MED9: variants seen among roughly 807,000 people sequenced by gnomAD.
MED9 encodes mediator of RNA polymerase II transcription subunit 9.
In MED9, 8 loss-of-function variants were observed where a neutral mutation model predicts 13.2. That is an observed-to-expected ratio of 0.61 (90% CI 0.36 to 1.10). The LOEUF (loss-of-function observed/expected upper bound fraction) is 1.10. Ranked by LOEUF, MED9 falls within the 50% of genes least tolerant of loss-of-function variation. The pLI is 0.02. For synonymous variants in MED9, 87 were observed against 82.8 expected (o/e 1.05, Z -0.28); for missense variants, 180 against 193.4 (o/e 0.93, Z 0.41).
intron 1 of MED9, chr17:17,486,463 G>A (rs1484287824): frequency 6.5e-6 from 1 of 153,264 alleles, no homozygotes; most frequent in Non-Finnish European, 1.5e-5. Context: ...GGCCAGCTCT[G>A]CTGGCCCCGT....
chr17:17,477,708 C>G (rs768895487), intron 1 of MED9: 1 of 157,790 alleles, frequency 6.3e-6, no homozygotes, highest in Non-Finnish European at 1.4e-5. Context: ...CTTTTCACCC[C>G]CAAAGGTTTA....
chr17:17,489,776 A>G (rs1032012995), intron 1 of MED9, among the ~76,000 whole-genome samples: 1 of 152,188 alleles, frequency 6.6e-6, no homozygotes, highest in Non-Finnish European at 1.5e-5. Flanking sequence ...CTGGCCTCTC[A>G]TTTCCTGGAA....
rs1905060049 is a variant in MED9, at chr17:17,483,133, C to T, written c.224+5868C>T. ...TCGTCTTTAATCTGCTTCTTTACTT[C>T]CAAGCCTGTTGATACTACTCATTGG... On this transcript the variant is annotated intron_variant, in intron 1 of 1. Transcript: ENST00000268711. This position sits in a 1 kb window ranked among gnomAD's most constrained non-coding sequence, Gnocchi z 4.2. Among the ~76,000 whole-genome samples the T allele has an allele frequency of 6.6e-6, 1 of 152,204 alleles. No homozygotes were observed. The highest frequency in any genetic ancestry group is 1.5e-5 in the Non-Finnish European group (1 of 68,050).
chr17:17,493,007 AGTG>A lies in MED9; in HGVS notation c.*1514_*1516del, dbSNP rs1278350404. Reference sequence around the variant, plus strand: ...AGTTATTTCCTTGAAATTTCACAGTAGTGGGTGGGCCTGTTTTAAGGCTCTGAC... The same window carrying A: ...AGTTATTTCCTTGAAATTTCACAGTAGGTGGGCCTGTTTTAAGGCTCTGAC... On this transcript the variant is annotated 3_prime_UTR_variant, in exon 2 of 2. Coordinates refer to ENST00000268711, the MANE Select transcript of MED9 (RefSeq NM_018019.3). 6.6e-6 allele frequency: 1 copy of A among 152,194 alleles called. No individual in the cohort carries two copies. The highest frequency in any genetic ancestry group is 1.5e-5 in the Non-Finnish European group (1 of 68,038). The allele number at this position is 152,194 out of a possible 1,614,324, so 9.4% of individuals were successfully genotyped here. A position where few individuals can be genotyped will look rare whatever the true frequency, so the allele number is the denominator to read the frequency against.
chr17:17,478,337 C>T (rs1325175907), intron 1 of MED9, among the ~76,000 whole-genome samples: 1 of 152,166 alleles, frequency 6.6e-6, no homozygotes, highest in African/African-American at 2.4e-5. Flanking sequence ...ATTACGATTC[C>T]AGTAACATTC....
intron 1 of MED9, among the ~76,000 whole-genome samples, chr17:17,484,596 A>T (rs1905091965): frequency 6.6e-6 from 1 of 152,266 alleles, no homozygotes; most frequent in Non-Finnish European, 1.5e-5. Flanking sequence ...GCATGCAGTT[A>T]CTGCAGGCCT....
At chr17:17,490,934 T>A (rs888406040) in intron 1 of MED9, among the ~76,000 whole-genome samples, 1 of 152,168 alleles carries the variant, frequency 6.6e-6, no homozygotes, top group African/African-American at 2.4e-5. Flanking sequence ...CACGGACATT[T>A]CTTGAGTGCC....
chr17:17,491,856 G>T lies in MED9; in HGVS notation c.*361G>T. ...CTGACAGATCTGAAGAGCACAGTAG[G>T]AAGGGAGGCGGCTCCTCTTTGCTTC... On this transcript the variant is annotated 3_prime_UTR_variant, in exon 2 of 2. Coordinates refer to ENST00000268711, the MANE Select transcript of MED9 (RefSeq NM_018019.3). 3.2e-6 allele frequency: 1 copy of T among 309,994 alleles called. No homozygotes were observed. The highest frequency in any genetic ancestry group is 6.2e-6 in the Non-Finnish European group (1 of 160,470). 19.2% of individuals were successfully genotyped at this position (309,994 alleles called of 1,614,324 possible). A position where few individuals can be genotyped will look rare whatever the true frequency, so the allele number is the denominator to read the frequency against.
chr17:17,477,317 C>T, intron 1 of MED9, 52 bp downstream of exon 1: 1 of 1,505,444 alleles, frequency 6.6e-7, no homozygotes. Flanking sequence ...CTTCTCCTCT[C>T]AGCCGTTTCA....
chr17:17,491,152 A>T (rs1285012483), intron 1 of MED9, 127 bp from the exon 2 acceptor site: 7 of 888,454 alleles, frequency 7.9e-6, no homozygotes, highest in African/African-American at 6.6e-5. Flanking sequence ...TAGTCAGGGG[A>T]TAGACACATA....
chr17:17,477,011 C>G lies in MED9; in HGVS notation c.-31C>G, dbSNP rs373822707. ...GTAGAGTGCGCGACGCTTTTGGCGACCCGACCTCTGGCTAACCTACCCCCG... is the reference window on the plus strand; with the variant it reads ...GTAGAGTGCGCGACGCTTTTGGCGAGCCGACCTCTGGCTAACCTACCCCCG... On this transcript the variant is annotated 5_prime_UTR_variant, in exon 1 of 2. Transcript: ENST00000268711. 3 of 1,601,600 alleles carry G rather than the reference C, an allele frequency of 1.9e-6. No individual in the cohort carries two copies. The highest frequency in any genetic ancestry group is 8.5e-7 in the Non-Finnish European group (1 of 1,179,382).
chr17:17,480,063 C>T (rs1269103040), intron 1 of MED9, among the ~76,000 whole-genome samples: 2 of 152,116 alleles, frequency 1.3e-5, no homozygotes, highest in African/African-American at 4.8e-5. Flanking sequence ...TCCAAGCGGC[C>T]GGGTGACTAC....
chr17:17,485,591 A>G (rs906315164), intron 1 of MED9: 16 of 358,752 alleles, frequency 4.5e-5, no homozygotes, highest in African/African-American at 2.5e-4. Context: ...TAGCGTGGCC[A>G]GTAGAGTGTG....
chr17:17,486,489 G>T, intron 1 of MED9: 1 of 153,522 alleles, frequency 6.5e-6, no homozygotes, highest in Non-Finnish European at 1.5e-5. Flanking sequence ...GAGGGACTTA[G>T]CACCCGGGCC....
intron 1 of MED9, among the ~76,000 whole-genome samples, chr17:17,477,952 C>A (rs1850821792): frequency 6.6e-6 from 1 of 152,182 alleles, no homozygotes; most frequent in Non-Finnish European, 1.5e-5. Flanking sequence ...AGAGGAAAAA[C>A]CAAAAACAAA....
intron 1 of MED9, among the ~76,000 whole-genome samples, chr17:17,482,518 T>C (rs80245440): frequency 0.015 from 2,295 of 152,354 alleles, 59 homozygotes; most frequent in African/African-American, 0.052. Context: ...AAATAATGTG[T>C]GTCAAATGTA....
intron 1 of MED9, chr17:17,486,918 C>T (rs1905142193): frequency 6.6e-6 from 1 of 152,430 alleles, no homozygotes; most frequent in African/African-American, 2.4e-5. Flanking sequence ...GTGCACCAAT[C>T]TACACTCTGT....
chr17:17,491,295 C>T lies in MED9; in HGVS notation c.241C>T (p.Pro81Ser). ...NIIKCMDKDS[P>S]EVHQDLNALK... ...CCCCCACAGCATGGACAAGGACAGC[C>T]CGGAGGTCCACCAGGACCTGAACGC... is the stretch of plus-strand genomic sequence containing the variant. Residue 81 changes from proline (P) to serine (S), a missense_variant, in exon 2 of 2, where the codon CCG becomes TCG. By Grantham distance (74) the Pro-to-Ser change is moderately conservative (BLOSUM62 -1). Transcript: ENST00000268711. 1 of 1,613,464 alleles carries T rather than the reference C, an allele frequency of 6.2e-7. No homozygotes were observed. Among genetic ancestry groups the T allele is most frequent in the South Asian group, 1.1e-5 (1 of 91,060 alleles).
chr17:17,477,009 G>A lies in MED9; in HGVS notation c.-33G>A, dbSNP rs1245347162. On this transcript the variant is annotated 5_prime_UTR_variant, in exon 1 of 2. Transcript: ENST00000268711. ...GTGTAGAGTGCGCGACGCTTTTGGC[G>A]ACCCGACCTCTGGCTAACCTACCCC... The A allele has an allele frequency of 6.2e-7, 1 of 1,601,280 alleles. No individual in the cohort carries two copies. The highest frequency in any genetic ancestry group is 1.3e-5 in the African/African-American group (1 of 74,828).
Sources: gnomAD v4.1 joint callset for allele counts (sites outside exome capture counted in the v4.1 genomes callset) on GRCh38, gnomAD v4.1.1 for gene constraint, Gnocchi (gnomAD v3.1) non-coding constraint, MANE v1.5 for transcripts, NCBI Gene and HGNC (gene_info 2026-07-23, HGNC 2026-07-21) for gene names.